The following PDPK1 variants were observed in gnomAD, a reference collection of about 807,000 sequenced individuals.
The protein encoded by PDPK1 is 3-phosphoinositide-dependent protein kinase 1.
In PDPK1, 7 loss-of-function variants were observed where a neutral mutation model predicts 39.8. The observed-to-expected ratio is 0.18, with a 90% CI of 0.10 to 0.33. The LOEUF (loss-of-function observed/expected upper bound fraction) is 0.33. PDPK1 is among the 10% of genes least tolerant of loss of function. PDPK1 has a pLI of 1.00. For synonymous variants in PDPK1, 118 were observed against 159.1 expected (o/e 0.74, Z 1.95); for missense variants, 182 against 384.7 (o/e 0.47, Z 4.41).
chr16:2,556,519 C>CAA (rs1327381143), intron 1 of PDPK1, among the ~76,000 whole-genome samples: 6 of 133,906 alleles, frequency 4.5e-5, no homozygotes, highest in African/African-American at 1.9e-4. Flanking sequence ...CATGCGCCAA[C>CAA]AAGCCCGGCT....
rs996750942 is a variant in PDPK1 at position 2,597,008 on chromosome 16, G to A, written c.1402-115G>A. The A allele has an allele frequency of 1.4e-5, 9 of 659,912 alleles. No homozygotes were observed. The Admixed American group carries it at 2.6e-4, about 19-fold the overall frequency. 40.9% of individuals were successfully genotyped at this position (659,912 alleles called of 1,614,324 possible). On this transcript the variant is annotated intron_variant, in intron 12 of 13. Transcript: ENST00000342085. The surrounding 1 kb of genome is among the most constrained non-coding windows in gnomAD (Gnocchi z 6.3). ...CCTGCCCCTGGGTGAGTGCACAGGT[G>A]GTGGTGGTGGCCCTGTGTCCTGAGC...
rs2067234906 is a variant in PDPK1 at position 2,602,363 on chromosome 16, C to T, written c.*4596C>T. On this transcript the variant is annotated 3_prime_UTR_variant, in exon 14 of 14. Transcript: ENST00000342085. ...GGTGTGAGGAGGAAGCTGTTTCCAA[C>T]AAAGAGCACTTTCATCTGTTGAGAT... The T allele has an allele frequency of 4.3e-6, 1 of 234,850 alleles. No individual in the cohort carries two copies. The highest frequency in any genetic ancestry group is 5.6e-5 in the Admixed American group (1 of 17,782). The allele number at this position is 234,850 out of a possible 1,614,324, so 14.5% of individuals were successfully genotyped here.
chr16:2,545,854 G>A (rs965135910), intron 1 of PDPK1, among the ~76,000 whole-genome samples: 1 of 152,134 alleles, frequency 6.6e-6, no homozygotes, highest in African/African-American at 2.4e-5. Flanking sequence ...TGCCCAGGCT[G>A]GTCTTGGACT....
At position 2,593,347 on chromosome 16, in the gene PDPK1, C is replaced by T. The variant is rs1048600427; in HGVS notation, c.1344-2446C>T. On this transcript the variant is annotated intron_variant, in intron 11 of 13. Transcript: ENST00000342085. This position sits in a 1 kb window ranked among gnomAD's most constrained non-coding sequence, Gnocchi z 4.2. The stretch of plus-strand genomic sequence containing the variant: ...GTGGGGTGCAGCTGATGGCCCATGG[C>T]GGCTGTATCTGGAAGTCCTTTCCCG... 62 of 335,584 alleles carry T rather than the reference C, an allele frequency of 1.8e-4. No homozygotes were observed. The highest frequency in any genetic ancestry group is 9.0e-4 in the Admixed American group (20 of 22,218). 20.8% of individuals were successfully genotyped at this position (335,584 alleles called of 1,614,324 possible).
intron 11 of PDPK1, among the ~76,000 whole-genome samples, chr16:2,590,955 C>CTTTTTT (rs1189844610): frequency 3.0e-5 from 4 of 134,008 alleles, no homozygotes; most frequent in African/African-American, 1.1e-4. Flanking sequence ...GGCCAAAAGT[C>CTTTTTT]TTTTTTTTTT....
chr16:2,595,731 A>C, intron 11 of PDPK1, 62 bp from the exon 12 acceptor site: 1 of 1,293,804 alleles, frequency 7.7e-7, no homozygotes, highest in African/African-American at 1.5e-5. Context: ...TGGCAGGAGG[A>C]GCGTGGAGAA....
intron 11 of PDPK1, among the ~76,000 whole-genome samples, chr16:2,588,327 G>T (rs748789912): frequency 6.6e-6 from 1 of 152,178 alleles, no homozygotes; most frequent in South Asian, 2.1e-4. Context: ...GCTGTGCTGC[G>T]CAGCTCCAAG....
At chr16:2,591,292 C>T (rs1360027744) in intron 11 of PDPK1, among the ~76,000 whole-genome samples, 3 of 152,074 alleles carry the variant, frequency 2.0e-5, no homozygotes, top group Non-Finnish European at 2.9e-5. Flanking sequence ...CTGTGGAAAC[C>T]GTAGAATGAA....
intron 11 of PDPK1, 61 bp from the exon 12 acceptor site, chr16:2,595,732 G>A (rs2067088093): frequency 7.6e-7 from 1 of 1,311,972 alleles, no homozygotes; most frequent in East Asian, 2.3e-5. Context: ...GGCAGGAGGA[G>A]CGTGGAGAAT....
intron 1 of PDPK1, chr16:2,539,401 T>G (rs1441404146): frequency 6.6e-6 from 1 of 152,154 alleles, no homozygotes; most frequent in Non-Finnish European, 1.5e-5. Context: ...TTGATAGGCG[T>G]TCTTGATCTT....
intron 2 of PDPK1, 31 bp downstream of exon 2, chr16:2,557,994 G>T: frequency 1.2e-6 from 2 of 1,608,890 alleles, no homozygotes; most frequent in Non-Finnish European, 1.7e-6. Context: ...TGTGTCAAAC[G>T]TACGTGATTT....
chr16:2,597,818 C>T lies in PDPK1; in HGVS notation c.*51C>T, dbSNP rs368140738. 9.2e-6 allele frequency: 12 copies of T among 1,298,454 alleles called. No individual in the cohort carries two copies. Among genetic ancestry groups the T allele is most frequent in the South Asian group, 2.4e-5 (2 of 83,046 alleles). 80.4% of individuals were successfully genotyped at this position (1,298,454 alleles called of 1,614,324 possible). The stretch of plus-strand genomic sequence containing the variant: ...CGCTGCCAGGACACCTGCCCCAGCG[C>T]GGCTTGGCCGCCATCCGGGACGCTT... On this transcript the variant is annotated 3_prime_UTR_variant, in exon 14 of 14. Transcript: ENST00000342085. This position sits in a 1 kb window ranked among gnomAD's most constrained non-coding sequence, Gnocchi z 6.3.
At chr16:2,545,075 T>A (rs989115105) in intron 1 of PDPK1, among the ~76,000 whole-genome samples, 8 of 147,260 alleles carry the variant, frequency 5.4e-5, no homozygotes, top group African/African-American at 2.0e-4. Context: ...CTCGTGCTGT[T>A]GCCCAGGCTG....
At position 2,599,084 on chromosome 16, in the gene PDPK1, G is replaced by A. The variant is rs981312197; in HGVS notation, c.*1317G>A. 4.3e-5 allele frequency: 10 copies of A among 233,310 alleles called. No homozygotes were observed. Among genetic ancestry groups the A allele is most frequent in the East Asian group, 1.8e-4 (3 of 16,616 alleles). 14.5% of individuals were successfully genotyped at this position (233,310 alleles called of 1,614,324 possible). A position where few individuals can be genotyped will look rare whatever the true frequency, so the allele number is the denominator to read the frequency against. On this transcript the variant is annotated 3_prime_UTR_variant, in exon 14 of 14. Transcript: ENST00000342085. The stretch of plus-strand genomic sequence containing the variant: ...TTTGATGCTTTGGTGGCCTTGCCCC[G>A]CTCTGCAGCACAGACAGGCCAGATG...
rs1597073011 is a variant in PDPK1 at position 2,593,360 on chromosome 16, A to G, written c.1344-2433A>G. On this transcript the variant is annotated intron_variant, in intron 11 of 13. Coordinates refer to ENST00000342085, the MANE Select transcript of PDPK1 (RefSeq NM_002613.5). The surrounding 1 kb of genome is among the most constrained non-coding windows in gnomAD (Gnocchi z 4.2). Reference sequence around the variant, plus strand: ...GATGGCCCATGGCGGCTGTATCTGGAAGTCCTTTCCCGCCCCAGCTGTGGT... The same window carrying G: ...GATGGCCCATGGCGGCTGTATCTGGGAGTCCTTTCCCGCCCCAGCTGTGGT... 3.0e-6 allele frequency: 1 copy of G among 334,468 alleles called. No homozygotes were observed. The highest frequency in any genetic ancestry group is 5.8e-6 in the Non-Finnish European group (1 of 173,624). 20.7% of individuals were successfully genotyped at this position (334,468 alleles called of 1,614,324 possible). A position where few individuals can be genotyped will look rare whatever the true frequency, so the allele number is the denominator to read the frequency against.
chr16:2,600,985 G>A lies in PDPK1; in HGVS notation c.*3218G>A, dbSNP rs1383384134. On this transcript the variant is annotated 3_prime_UTR_variant, in exon 14 of 14. Coordinates refer to ENST00000342085, the MANE Select transcript of PDPK1 (RefSeq NM_002613.5). ...ATGTTTTTAACAATTGTACTATTTA[G>A]TCATTGTCCATTTACTATAATTTAT... The A allele has an allele frequency of 4.3e-6, 1 of 230,314 alleles. No homozygotes were observed. Among genetic ancestry groups the A allele is most frequent in the African/African-American group, 2.3e-5 (1 of 43,800 alleles). 14.3% of individuals were successfully genotyped at this position (230,314 alleles called of 1,614,324 possible). A position where few individuals can be genotyped will look rare whatever the true frequency, so the allele number is the denominator to read the frequency against.
At chr16:2,547,348 C>A (rs2066370156) in intron 1 of PDPK1, among the ~76,000 whole-genome samples, 1 of 129,448 alleles carries the variant, frequency 7.7e-6, no homozygotes, top group Admixed American at 7.4e-5. Context: ...AGCACGGGCT[C>A]AGACGCTCAG....
intron 1 of PDPK1, among the ~76,000 whole-genome samples, chr16:2,553,865 A>T (rs1363800984): frequency 7.2e-6 from 1 of 138,260 alleles, no homozygotes. Flanking sequence ...TGCTGCCTCC[A>T]TGGGACTGAG....
intron 1 of PDPK1, among the ~76,000 whole-genome samples, chr16:2,543,670 G>T (rs964266666): frequency 4.6e-5 from 7 of 151,980 alleles, no homozygotes; most frequent in Non-Finnish European, 8.8e-5. Flanking sequence ...TCCCTACATG[G>T]AAACCCCTGT....
Sources: gnomAD v4.1 joint callset for allele counts (sites outside exome capture counted in the v4.1 genomes callset) on GRCh38, gnomAD v4.1.1 for gene constraint, Gnocchi (gnomAD v3.1) non-coding constraint, MANE v1.5 for transcripts, NCBI Gene and HGNC (gene_info 2026-07-23, HGNC 2026-07-21) for gene names.